Variants in KRABD5 observed in about 807,000 individuals in gnomAD.
KRABD5 encodes KRAB domain containing 5.
chr16:31,729,949 C>T, the KRABD5 span, among the ~76,000 whole-genome samples: 3 of 152,040 alleles, frequency 2.0e-5, no homozygotes, highest in South Asian at 2.1e-4. Flanking sequence ...ATATATGTCA[C>T]ATTTTAAAAC....
chr16:31,739,517 T>C, the KRABD5 span, among the ~76,000 whole-genome samples: 2 of 152,144 alleles, frequency 1.3e-5, no homozygotes, highest in Non-Finnish European at 1.5e-5. Context: ...GATTATAATG[T>C]GTCTTGTTGT....
the KRABD5 span, among the ~76,000 whole-genome samples, chr16:31,720,473 G>T: frequency 6.6e-6 from 1 of 152,226 alleles, no homozygotes; most frequent in African/African-American, 2.4e-5. Flanking sequence ...TGAAGCTTGA[G>T]AGGGAATGCT....
At chr16:31,714,361 T>C in the KRABD5 span, 10 of 456,180 alleles carry the variant, frequency 2.2e-5, no homozygotes, top group East Asian at 6.9e-4. Context: ...TCCTGAAACC[T>C]GTTAGGTCAC....
chr16:31,726,052 T>C, the KRABD5 span, among the ~76,000 whole-genome samples: 92,554 of 152,092 alleles, frequency 0.61, 29,174 homozygotes, highest in Middle Eastern at 0.73. Flanking sequence ...AAAAAATTAG[T>C]ACCAAGGCTG....
the KRABD5 span, chr16:31,723,469 C>G: frequency 4.9e-6 from 5 of 1,024,850 alleles, no homozygotes; most frequent in East Asian, 2.8e-5. Flanking sequence ...TTTGAGACAC[C>G]TGGGTTTATT....
At chr16:31,734,137 G>T in the KRABD5 span, among the ~76,000 whole-genome samples, 1 of 151,920 alleles carries the variant, frequency 6.6e-6, no homozygotes, top group Non-Finnish European at 1.5e-5. Context: ...ATATATATGT[G>T]TGTGTGTTGT....
the KRABD5 span, chr16:31,713,317 C>G: frequency 2.8e-6 from 4 of 1,440,866 alleles, no homozygotes; most frequent in African/African-American, 5.7e-5. Flanking sequence ...GTCCTTCCAT[C>G]TGGGAGGCCA....
the KRABD5 span, among the ~76,000 whole-genome samples, chr16:31,741,413 A>G: frequency 6.6e-6 from 1 of 152,172 alleles, no homozygotes; most frequent in African/African-American, 2.4e-5. Context: ...AGCTAATTTA[A>G]TTACATTCCC....
At chr16:31,736,643 A>T in the KRABD5 span, among the ~76,000 whole-genome samples, 1 of 150,928 alleles carries the variant, frequency 6.6e-6, no homozygotes, top group Non-Finnish European at 1.5e-5. Flanking sequence ...TCAGCCTCCC[A>T]AGTAGCTGGG....
At chr16:31,718,818 C>G in the KRABD5 span, among the ~76,000 whole-genome samples, 1 of 152,188 alleles carries the variant, frequency 6.6e-6, no homozygotes, top group South Asian at 2.1e-4. Flanking sequence ...CCAGGAACTC[C>G]CTCACCAGCA....
At chr16:31,742,537 A>G in the KRABD5 span, among the ~76,000 whole-genome samples, 1 of 152,116 alleles carries the variant, frequency 6.6e-6, no homozygotes, top group Non-Finnish European at 1.5e-5. Flanking sequence ...TTTATGTACC[A>G]CAGTTTCTTT....
the KRABD5 span, among the ~76,000 whole-genome samples, chr16:31,731,480 C>G: frequency 3.9e-5 from 6 of 152,230 alleles, no homozygotes; most frequent in Non-Finnish European, 8.8e-5. Context: ...TGCGGAGTCT[C>G]TGGGAGTGGT....
the KRABD5 span, among the ~76,000 whole-genome samples, chr16:31,740,863 T>A: frequency 6.6e-6 from 1 of 152,194 alleles, no homozygotes; most frequent in African/African-American, 2.4e-5. Context: ...TGTACATGTG[T>A]TGGTTCATTA....
At chr16:31,738,388 G>T in the KRABD5 span, among the ~76,000 whole-genome samples, 3 of 152,038 alleles carry the variant, frequency 2.0e-5, no homozygotes, top group African/African-American at 7.2e-5. Flanking sequence ...TGTGATGTTA[G>T]GTGCATATAT....
the KRABD5 span, chr16:31,755,181 A>G: frequency 2.1e-6 from 1 of 476,770 alleles, no homozygotes; most frequent in Non-Finnish European, 4.3e-6. Context: ...TACCTAACTA[A>G]ACATCAGAGA....
chr16:31,743,255 G>A, the KRABD5 span, among the ~76,000 whole-genome samples: 1 of 152,080 alleles, frequency 6.6e-6, no homozygotes, highest in East Asian at 1.9e-4. Context: ...ATGGTTTTGG[G>A]TTTTACATTT....
the KRABD5 span, among the ~76,000 whole-genome samples, chr16:31,738,156 A>G: frequency 1.4e-3 from 209 of 152,148 alleles, no homozygotes; most frequent in Non-Finnish European, 2.2e-3. Context: ...ATGGTTATGG[A>G]TATTGTGTAT....
the KRABD5 span, among the ~76,000 whole-genome samples, chr16:31,736,217 G>A: frequency 6.6e-6 from 1 of 152,094 alleles, no homozygotes; most frequent in East Asian, 1.9e-4. Flanking sequence ...TTAGGAGCAT[G>A]AATTTATTTA....
At chr16:31,730,076 C>A in the KRABD5 span, among the ~76,000 whole-genome samples, 6 of 152,062 alleles carry the variant, frequency 3.9e-5, no homozygotes, top group Non-Finnish European at 8.8e-5. Context: ...TTACAATATT[C>A]GAGTATTCTG....
Sources: gnomAD v4.1 joint callset for allele counts (sites outside exome capture counted in the v4.1 genomes callset) on GRCh38, gnomAD v4.1.1 for gene constraint, MANE v1.5 for transcripts, NCBI Gene and HGNC (gene_info 2026-07-23, HGNC 2026-07-21) for gene names.